The following FBXO11 variants were observed in gnomAD, a reference collection of about 807,000 sequenced individuals.
The protein encoded by FBXO11 is F-box protein 11.
Under a neutral mutation model 117.0 loss-of-function variants are expected in FBXO11, and 13 were observed. That is an observed-to-expected ratio of 0.11 (90% CI 0.07 to 0.18). The LOEUF is 0.18. Ranked by LOEUF, FBXO11 falls within the 10% of genes least tolerant of loss-of-function variation. FBXO11 has a pLI of 1.00. For synonymous variants in FBXO11, 490 were observed against 380.5 expected (o/e 1.29, Z -3.35); for missense variants, 767 against 1,164.4 (o/e 0.66, Z 4.97).
intron 1 of FBXO11, among the ~76,000 whole-genome samples, chr2:47,886,187 C>G (rs1022296787): frequency 5.3e-5 from 8 of 151,612 alleles, no homozygotes; most frequent in Non-Finnish European, 1.0e-4. Context: ...ACAGAAAAAC[C>G]CTTTGACCCA....
chr2:47,839,372 TA>T (rs770798950), intron 3 of FBXO11, 46 bp downstream of exon 3: 25 of 1,540,100 alleles, frequency 1.6e-5, no homozygotes, highest in African/African-American at 2.8e-5. Context: ...CAAGCAAAAT[TA>T]AAAAAAATTA....
chr2:47,882,371 T>C (rs1054757559), intron 1 of FBXO11, among the ~76,000 whole-genome samples: 3 of 152,192 alleles, frequency 2.0e-5, no homozygotes, highest in African/African-American at 7.2e-5. Flanking sequence ...AAGGAATCTT[T>C]AAGATCTTTC....
chr2:47,813,425 A>ATTTTTTTTTTTAT, intron 17 of FBXO11, 48 bp from the exon 18 acceptor site: 1 of 386,832 alleles, frequency 2.6e-6, no homozygotes, highest in Non-Finnish European at 3.5e-6. Flanking sequence ...TTTCTTTTTA[A>ATTTTTTTTTTTAT]TTTTTTTTTT....
At position 47,807,533 on chromosome 2, in the gene FBXO11, A is replaced by T; in HGVS notation, c.*585T>A. 2 of 212,002 alleles carry T rather than the reference A, an allele frequency of 9.4e-6. No individual in the cohort carries two copies. Among genetic ancestry groups the T allele is most frequent in the African/African-American group, 2.3e-5 (1 of 44,280 alleles). The allele number at this position is 212,002 out of a possible 1,614,324, so 13.1% of individuals were successfully genotyped here. A position where few individuals can be genotyped will look rare whatever the true frequency, so the allele number is the denominator to read the frequency against. ...GAAAGAACGTACATACTGGGACATG[A>T]GTACAGTTACAGCAAGTCTAGGTGT... On this transcript the variant is annotated 3_prime_UTR_variant, in exon 23 of 23. Coordinates refer to ENST00000403359, the MANE Select transcript of FBXO11 (RefSeq NM_001190274.2).
At chr2:47,842,583 C>T (rs1187861525) in intron 1 of FBXO11, among the ~76,000 whole-genome samples, 2 of 151,974 alleles carry the variant, frequency 1.3e-5, no homozygotes, top group African/African-American at 4.8e-5. Flanking sequence ...TTTAAGCCTA[C>T]ATTTTCTCAT....
chr2:47,874,157 T>A (rs1675826788), intron 1 of FBXO11, among the ~76,000 whole-genome samples: 1 of 152,166 alleles, frequency 6.6e-6, no homozygotes, highest in African/African-American at 2.4e-5. Context: ...GAGCTTGCTG[T>A]GAGCAGAGAT....
At position 47,822,355 on chromosome 2, in the gene FBXO11, C is replaced by G. The variant is rs765458958; in HGVS notation, c.1617-52G>C. 5.8e-5 allele frequency: 71 copies of G among 1,218,908 alleles called. 2 individuals carry two copies. In the South Asian group the frequency reaches 9.4e-4, roughly 16 times the overall value. 75.5% of individuals were successfully genotyped at this position (1,218,908 alleles called of 1,614,324 possible). On this transcript the variant is annotated intron_variant, in intron 12 of 22. Coordinates refer to ENST00000403359, the MANE Select transcript of FBXO11 (RefSeq NM_001190274.2). ...GAAGACATCTATTCAGCCAAACTTA[C>G]TTGTTTTATACAACGGTAAGGCCCC...
intron 1 of FBXO11, among the ~76,000 whole-genome samples, chr2:47,901,131 G>GTA (rs200244622): frequency 0.037 from 3,928 of 105,606 alleles, 268 homozygotes; most frequent in African/African-American, 0.12. Flanking sequence ...GTGTGTACAT[G>GTA]TATATATATA....
At chr2:47,843,764 T>G (rs960339125) in intron 1 of FBXO11, among the ~76,000 whole-genome samples, 1 of 152,100 alleles carries the variant, frequency 6.6e-6, no homozygotes, top group African/African-American at 2.4e-5. Context: ...TTTTTTGAGA[T>G]GAGTCTTGCT....
intron 16 of FBXO11, among the ~76,000 whole-genome samples, chr2:47,815,584 C>A (rs1357271457): frequency 6.6e-6 from 1 of 152,178 alleles, no homozygotes; most frequent in African/African-American, 2.4e-5. Context: ...GCCCTGACAG[C>A]AGGTCCTTGC....
At chr2:47,817,126 G>C (rs928332860) in intron 16 of FBXO11, among the ~76,000 whole-genome samples, 1 of 152,174 alleles carries the variant, frequency 6.6e-6, no homozygotes, top group Non-Finnish European at 1.5e-5. Flanking sequence ...TATATCTTCT[G>C]GGATAACTTT....
rs796255446 is a variant in FBXO11 at position 47,902,919 on chromosome 2, T to TA, written c.232+2569dup. On this transcript the variant is annotated intron_variant, in intron 1 of 22. Transcript: ENST00000403359. ...TATCCATTAAGAGTTAGTAAAAGGTTAAAAAAAAAAAAACAAAAACCACAC... is the reference window on the plus strand; with the variant it reads ...TATCCATTAAGAGTTAGTAAAAGGTTAAAAAAAAAAAAAACAAAAACCACAC... 4.4e-3 allele frequency among the ~76,000 whole-genome samples: 623 copies of TA among 140,172 alleles called. 1 individual carries two copies. The highest frequency in any genetic ancestry group is 0.016 in the East Asian group (78 of 4,898). 92.0% of individuals were successfully genotyped at this position (140,172 alleles called of 152,430 possible). A position where few individuals can be genotyped will look rare whatever the true frequency, so the allele number is the denominator to read the frequency against.
intron 1 of FBXO11, among the ~76,000 whole-genome samples, chr2:47,869,512 C>T (rs1349136389): frequency 6.6e-6 from 1 of 152,174 alleles, no homozygotes; most frequent in Non-Finnish European, 1.5e-5. Context: ...TAATCAAATG[C>T]AATGGAAAAC....
intron 1 of FBXO11, among the ~76,000 whole-genome samples, chr2:47,892,232 C>T (rs1384136688): frequency 2.0e-5 from 3 of 152,156 alleles, no homozygotes; most frequent in African/African-American, 4.8e-5. Context: ...ATTCCATATA[C>T]AGTATTTGAA....
intron 1 of FBXO11, among the ~76,000 whole-genome samples, chr2:47,850,737 G>T (rs1367622966): frequency 6.6e-6 from 1 of 152,102 alleles, no homozygotes; most frequent in Non-Finnish European, 1.5e-5. Flanking sequence ...CTAATTCAAG[G>T]ATTAAAGTCT....
Position 47,839,021 on chromosome 2 carries a change from T to A in FBXO11, c.443-18A>T. On this transcript the variant is annotated intron_variant, in intron 3 of 22. Coordinates refer to ENST00000403359, the MANE Select transcript of FBXO11 (RefSeq NM_001190274.2). ...AGGTGCTGCTATAAAGAGATTAACA[T>A]ATAAACTATCATTCGAGCAATAACT... The A allele has an allele frequency of 6.3e-7, 1 of 1,592,934 alleles. No homozygotes were observed. The highest frequency in any genetic ancestry group is 1.2e-5 in the South Asian group (1 of 86,422).
chr2:47,903,499 A>G (rs1455576864), intron 1 of FBXO11, among the ~76,000 whole-genome samples: 1 of 152,240 alleles, frequency 6.6e-6, no homozygotes, highest in African/African-American at 2.4e-5. Flanking sequence ...CTTACCTCAC[A>G]TAGAAATGAA....
chr2:47,898,736 A>G (rs1677865266), intron 1 of FBXO11, among the ~76,000 whole-genome samples: 1 of 152,176 alleles, frequency 6.6e-6, no homozygotes, highest in Non-Finnish European at 1.5e-5. Flanking sequence ...GCCATCTCCA[A>G]TAGGACAGAT....
At chr2:47,864,926 T>C (rs1250654788) in intron 1 of FBXO11, among the ~76,000 whole-genome samples, 2 of 152,226 alleles carry the variant, frequency 1.3e-5, no homozygotes, top group Non-Finnish European at 2.9e-5. Flanking sequence ...AAGTAAAATA[T>C]TAGTGTAACA....
Sources: allele counts gnomAD v4.1 joint callset (sites outside exome capture counted in the v4.1 genomes callset), GRCh38; gene constraint gnomAD v4.1.1; transcripts MANE v1.5; gene names NCBI Gene and HGNC (gene_info 2026-07-23, HGNC 2026-07-21).